Variants in PCM1 observed in about 807,000 individuals in gnomAD.
PCM1 encodes pericentriolar material 1 protein.
A neutral mutation model predicts 241.9 loss-of-function variants in PCM1; 157 were observed. The observed-to-expected ratio is 0.65, with a 90% confidence interval of 0.57 to 0.74. PCM1 has a LOEUF of 0.74. Among genes scored for constraint, PCM1 ranks in the 30% least tolerant of loss-of-function variants. The pLI is 0.00. For synonymous variants in PCM1, 1,085 were observed against 784.9 expected (o/e 1.38, Z -6.39); for missense variants, 3,478 against 2,360.1 (o/e 1.47, Z -9.81).
At chr8:17,986,729 A>G (rs144901855) in intron 26 of PCM1, among the ~76,000 whole-genome samples, 15 of 151,918 alleles carry the variant, frequency 9.9e-5, no homozygotes, top group Middle Eastern at 3.4e-3. Context: ...GGAATCACCT[A>G]TTTCAAGGTT....
chr8:17,937,276 C>T lies in PCM1; in HGVS notation c.239C>T (p.Pro80Leu), dbSNP rs766389107. 1 of 1,610,376 alleles carries T rather than the reference C, an allele frequency of 6.2e-7. No homozygotes were observed. Among genetic ancestry groups the T allele is most frequent in the Non-Finnish European group, 8.5e-7 (1 of 1,177,468 alleles). Residue 80 changes from proline to leucine, a missense_variant, in exon 4 of 39, where the codon CCA (proline) becomes CTA (leucine). Transcript: ENST00000325083. The part of the protein sequence containing the change: ...PGVGRRRTKT[P>L]HTFPHSRYMS... ...GTTGGAAGGCGAAGAACAAAGACTC[C>T]ACATACGTTCCCACACAGTAGATAC...
chr8:17,984,657 T>C (rs2082014514), intron 24 of PCM1, among the ~76,000 whole-genome samples: 2 of 151,968 alleles, frequency 1.3e-5, no homozygotes, highest in Admixed American at 1.3e-4. Context: ...AATGAGTTTT[T>C]ATGATCTTGT....
chr8:17,988,075 G>T (rs1212978603), intron 26 of PCM1, among the ~76,000 whole-genome samples: 3 of 151,758 alleles, frequency 2.0e-5, no homozygotes, highest in Non-Finnish European at 4.4e-5. Context: ...AGTCAAGGAG[G>T]ATGGAGTGGA....
At chr8:18,003,857 C>T (rs1346510915) in intron 29 of PCM1, among the ~76,000 whole-genome samples, 5 of 151,908 alleles carry the variant, frequency 3.3e-5, no homozygotes, top group African/African-American at 1.2e-4. Context: ...AAACCATTGC[C>T]TCAAGTGAAT....
chr8:18,024,645 C>G (rs563759913), intron 36 of PCM1, among the ~76,000 whole-genome samples: 35 of 152,190 alleles, frequency 2.3e-4, no homozygotes, highest in Middle Eastern at 6.8e-3. Context: ...AGGGATCCTA[C>G]TGAATGTTTT....
rs1351717771 is a variant in PCM1 at position 17,938,941 on chromosome 8, G to A, written c.544G>A (p.Asp182Asn). ...GTTGTTTGCTTCTGCTTTAAGTAATGACCTCTTGCAAAACTGTCAGGTGTC... is the reference window on the plus strand; with the variant it reads ...GTTGTTTGCTTCTGCTTTAAGTAATAACCTCTTGCAAAACTGTCAGGTGTC... The part of the protein sequence containing the change: ...KELFASALSN[D>N]LLQNCQVSEE... The change falls in exon 5 of 39, where the codon GAC becomes AAC. Residue 182 changes from aspartate to asparagine, a missense_variant. Asp to Asn is a conservative substitution (Grantham distance 23). Coordinates refer to ENST00000325083, the MANE Select transcript of PCM1 (RefSeq NM_006197.4). 1.2e-6 allele frequency: 2 copies of A among 1,613,664 alleles called. No individual in the cohort carries two copies. The highest frequency in any genetic ancestry group is 3.3e-5 in the Admixed American group (2 of 60,018).
rs925412358 is a variant in PCM1, at chr8:17,967,110, A to G, written c.3352A>G (p.Thr1118Ala). Residue 1118 changes from threonine (T) to alanine (A), a missense_variant, in exon 21 of 39, where the codon ACA (threonine) becomes GCA (alanine). Physicochemically the swap from Thr to Ala is moderately conservative, Grantham distance 58. Transcript: ENST00000325083. ...PSLFCPFSFPTQPVNLFNIPG... is the reference protein window; with the variant it reads ...PSLFCPFSFPAQPVNLFNIPG... ...TTTATTTTGTCCTTTCAGCTTTCCA[A>G]CACAGCCTGTAAATCTCTTCAATAT... 10 of 1,607,124 alleles carry G rather than the reference A, an allele frequency of 6.2e-6. No homozygotes were observed. The highest frequency in any genetic ancestry group is 4.0e-5 in the African/African-American group (3 of 74,862).
At chr8:17,983,899 A>G (rs1186564196) in intron 24 of PCM1, among the ~76,000 whole-genome samples, 1 of 152,158 alleles carries the variant, frequency 6.6e-6, no homozygotes, top group African/African-American at 2.4e-5. Flanking sequence ...AAGATACAAA[A>G]CAAGGATCCA....
chr8:18,004,799 G>C (rs1402115328), intron 29 of PCM1, among the ~76,000 whole-genome samples: 1 of 152,078 alleles, frequency 6.6e-6, no homozygotes, highest in Non-Finnish European at 1.5e-5. Flanking sequence ...CTTTCTAGTA[G>C]CATGACCTTA....
intron 23 of PCM1, among the ~76,000 whole-genome samples, chr8:17,979,801 A>G (rs1373351442): frequency 2.0e-5 from 3 of 152,196 alleles, no homozygotes; most frequent in Non-Finnish European, 4.4e-5. Context: ...AACAAAAAAC[A>G]ACAAAGCTTA....
At chr8:17,940,307 C>G (rs1278557171) in intron 6 of PCM1, 5 of 489,964 alleles carry the variant, frequency 1.0e-5, no homozygotes, top group Non-Finnish European at 1.8e-5. Context: ...ATGTGTTCTT[C>G]TGTATTTAAA....
intron 16 of PCM1, 38 bp downstream of exon 16, chr8:17,962,212 T>G: frequency 1.3e-6 from 2 of 1,545,104 alleles, no homozygotes; most frequent in Non-Finnish European, 1.8e-6. Context: ...TGAGTTAGTC[T>G]TTTGTTTTCC....
At position 17,948,346 on chromosome 8, in the gene PCM1, C is replaced by T. The variant is rs1450742408; in HGVS notation, c.961+983C>T. ...TGGAGACAGAGTTTTGCTCTGTTGCCCAGGCTGGAGTGCAATGGCATGTTC... is the reference window on the plus strand; with the variant it reads ...TGGAGACAGAGTTTTGCTCTGTTGCTCAGGCTGGAGTGCAATGGCATGTTC... On this transcript the variant is annotated intron_variant, in intron 7 of 38. Transcript: ENST00000325083. Among the ~76,000 whole-genome samples the T allele has an allele frequency of 2.3e-5, 3 of 132,870 alleles. No homozygotes were observed. In the South Asian group the frequency reaches 7.1e-4, roughly 31 times the overall value. 87.2% of individuals were successfully genotyped at this position (132,870 alleles called of 152,430 possible). A position where few individuals can be genotyped will look rare whatever the true frequency, so the allele number is the denominator to read the frequency against.
chr8:17,991,471 A>C, intron 27 of PCM1, 71 bp from the exon 28 acceptor site: 1 of 1,289,230 alleles, frequency 7.8e-7, no homozygotes, highest in Non-Finnish European at 1.1e-6. Context: ...TTTTTTTATT[A>C]ATGCATTTTG....
rs1489189405 is a variant in PCM1 at position 17,937,064 on chromosome 8, T to C, written c.97-70T>C. On this transcript the variant is annotated intron_variant, in intron 3 of 38. Coordinates refer to ENST00000325083, the MANE Select transcript of PCM1 (RefSeq NM_006197.4). ...TTAATTTTAAAACTGACCAAAACTT[T>C]TTAATTATACCAATCTATTTTCCTG... 5 of 1,254,334 alleles carry C rather than the reference T, an allele frequency of 4.0e-6. No homozygotes were observed. The East Asian group carries it at 7.7e-5, about 19-fold the overall frequency. The allele number at this position is 1,254,334 out of a possible 1,614,324, so 77.7% of individuals were successfully genotyped here.
chr8:17,956,920 C>G (rs1183537789), intron 11 of PCM1, 143 bp downstream of exon 11: 5 of 680,776 alleles, frequency 7.3e-6, no homozygotes, highest in Admixed American at 5.7e-5. Flanking sequence ...GTAATCATCT[C>G]TGCCCTGTGA....
intron 38 of PCM1, 40 bp downstream of exon 38, chr8:18,025,698 C>T (rs1421381031): frequency 2.6e-6 from 3 of 1,165,690 alleles, no homozygotes; most frequent in Non-Finnish European, 3.7e-6. Context: ...ATTGAAAAAT[C>T]ATTGAATCTT....
intron 36 of PCM1, among the ~76,000 whole-genome samples, chr8:18,020,873 C>T (rs1262058095): frequency 6.6e-6 from 1 of 151,974 alleles, no homozygotes; most frequent in Non-Finnish European, 1.5e-5. Flanking sequence ...TGTAGTGGAA[C>T]CCCCATCAGT....
intron 8 of PCM1, among the ~76,000 whole-genome samples, chr8:17,951,642 TA>T (rs558713682): frequency 1.6e-3 from 246 of 152,252 alleles, no homozygotes; most frequent in African/African-American, 5.5e-3. Context: ...TACCTTATTT[TA>T]AAAAAAGTCT....
Sources: allele counts gnomAD v4.1 joint callset (sites outside exome capture counted in the v4.1 genomes callset), GRCh38; gene constraint gnomAD v4.1.1; transcripts MANE v1.5; gene names NCBI Gene and HGNC (gene_info 2026-07-23, HGNC 2026-07-21).